PCDHA3: variants seen among roughly 807,000 people sequenced by gnomAD.
The protein encoded by PCDHA3 is protocadherin alpha-3.
PCDHA3 carries 41 observed loss-of-function variants against 62.2 expected under a neutral mutation model. That is an observed-to-expected ratio of 0.66 (90% CI 0.51 to 0.86). The LOEUF is 0.86. Among genes scored for constraint, PCDHA3 ranks in the 40% least tolerant of loss-of-function variants. PCDHA3 has a pLI of 0.00. For synonymous variants in PCDHA3, 640 were observed against 555.4 expected, an observed-to-expected ratio of 1.15 and a Z score of -2.14; for missense variants, 1,304 against 1,241.2, an observed-to-expected ratio of 1.05 and a Z score of -0.76.
intron 1 of PCDHA3, among the ~76,000 whole-genome samples, chr5:140,897,618 T>C: frequency 6.6e-6 from 1 of 152,172 alleles, no homozygotes; most frequent in Non-Finnish European, 1.5e-5. Flanking sequence ...TTCCAAGTCT[T>C]TACTATTGTG....
intron 1 of PCDHA3, chr5:140,828,790 G>T: frequency 6.2e-7 from 1 of 1,614,182 alleles, no homozygotes; most frequent in Non-Finnish European, 8.5e-7. Flanking sequence ...TCACAGTGCT[G>T]GATGTGAATG....
intron 1 of PCDHA3, chr5:140,836,239 G>T: frequency 1.9e-6 from 3 of 1,613,796 alleles, no homozygotes; most frequent in Non-Finnish European, 1.7e-6. Flanking sequence ...GCCGGTGCGA[G>T]CATCCCGTTC....
chr5:140,985,202 G>A (rs1554246846), intron 3 of PCDHA3, among the ~76,000 whole-genome samples: 1 of 152,204 alleles, frequency 6.6e-6, no homozygotes, highest in Non-Finnish European at 1.5e-5. Flanking sequence ...CTCCCAAAGT[G>A]TTGGGATTAC....
chr5:140,854,743 GAT>G lies in PCDHA3; in HGVS notation c.2394+51157_2394+51158del, dbSNP rs1554147428. The G allele has an allele frequency of 2.0e-5, 3 of 149,440 alleles. 1 individual carries two copies. The highest frequency in any genetic ancestry group is 7.4e-5 in the African/African-American group (3 of 40,774). 9.3% of individuals were successfully genotyped at this position (149,440 alleles called of 1,614,324 possible). On this transcript the variant is annotated intron_variant, in intron 1 of 3. Coordinates refer to ENST00000522353, the MANE Select transcript of PCDHA3 (RefSeq NM_018906.3). ...AACTCAAGTTTTTTTCAGCAGCACAGATATATTACATTTTCATTCCTGAATAT... is the reference window on the plus strand; with the variant it reads ...AACTCAAGTTTTTTTCAGCAGCACAGATATTACATTTTCATTCCTGAATAT...
intron 1 of PCDHA3, chr5:140,927,237 G>A (rs1554204217): frequency 1.2e-6 from 2 of 1,614,110 alleles, no homozygotes; most frequent in Admixed American, 1.7e-5. Flanking sequence ...TTCACGTCCT[G>A]GACACCAATG....
At chr5:140,830,533 A>G in intron 1 of PCDHA3, 1 of 1,268,354 alleles carries the variant, frequency 7.9e-7, no homozygotes, top group South Asian at 2.0e-5. Flanking sequence ...TTAAATTTAT[A>G]ATTGTTTTCC....
At chr5:140,822,164 C>T (rs2150114205) in intron 1 of PCDHA3, 3 of 1,614,200 alleles carry the variant, frequency 1.9e-6, no homozygotes, top group East Asian at 4.5e-5. Context: ...GACAATCCGC[C>T]CAGGTTCTCC....
intron 1 of PCDHA3, chr5:140,814,771 T>C (rs2126658465): frequency 6.6e-6 from 1 of 152,344 alleles, no homozygotes; most frequent in East Asian, 1.9e-4. Context: ...ATGTGGTCTG[T>C]TATTGGTTGA....
chr5:140,842,791 G>C (rs1554139385), intron 1 of PCDHA3: 1 of 1,594,368 alleles, frequency 6.3e-7, no homozygotes, highest in Non-Finnish European at 8.6e-7. Context: ...ACGCGCTGGT[G>C]TCCTACTCGC....
At chr5:140,883,211 T>C in intron 1 of PCDHA3, 1 of 1,613,738 alleles carries the variant, frequency 6.2e-7, no homozygotes, top group Non-Finnish European at 8.5e-7. Context: ...AGAAAAGAAA[T>C]TATATGAAAT....
chr5:140,827,149 A>T (rs1024962565), intron 1 of PCDHA3, among the ~76,000 whole-genome samples: 5 of 152,210 alleles, frequency 3.3e-5, no homozygotes, highest in Admixed American at 6.5e-5. Flanking sequence ...AGGGATGCAG[A>T]TATGGATTTG....
chr5:140,863,385 G>T (rs782510264), intron 1 of PCDHA3: 7 of 1,030,746 alleles, frequency 6.8e-6, no homozygotes, highest in Non-Finnish European at 1.0e-5. Context: ...CCGAGAGCTC[G>T]TGCATGCCGG....
At position 140,856,428 on chromosome 5, in the gene PCDHA3, A is replaced by G. The variant is rs782670614; in HGVS notation, c.2394+52837A>G. On this transcript the variant is annotated intron_variant, in intron 1 of 3. Coordinates refer to ENST00000522353, the MANE Select transcript of PCDHA3 (RefSeq NM_018906.3). ...GACGTGGAAGTGAAGGACATTAACG[A>G]CAACCCGCCCAGGTTCTCCGTAACA... The G allele has an allele frequency of 5.0e-6, 8 of 1,598,286 alleles. No homozygotes were observed. The East Asian group carries it at 1.8e-4, about 36-fold the overall frequency.
At chr5:140,980,494 A>T (rs868915196) in intron 2 of PCDHA3, among the ~76,000 whole-genome samples, 1 of 152,106 alleles carries the variant, frequency 6.6e-6, no homozygotes, top group African/African-American at 2.4e-5. Context: ...GCTGGGCGTG[A>T]TGGCATGTGC....
intron 1 of PCDHA3, among the ~76,000 whole-genome samples, chr5:140,915,232 C>A (rs1554196813): frequency 1.3e-5 from 2 of 152,274 alleles, no homozygotes; most frequent in Admixed American, 6.5e-5. Flanking sequence ...CAGGCATGAG[C>A]CACCATGCCT....
At chr5:140,943,726 A>G (rs181662166) in intron 1 of PCDHA3, among the ~76,000 whole-genome samples, 8 of 152,372 alleles carry the variant, frequency 5.3e-5, no homozygotes, top group Middle Eastern at 3.4e-3. Flanking sequence ...GTCTGAGAGA[A>G]TGAAAGTCCA....
At chr5:140,969,553 G>T in intron 1 of PCDHA3, 1 of 1,229,652 alleles carries the variant, frequency 8.1e-7, no homozygotes, top group Non-Finnish European at 1.1e-6. Flanking sequence ...ATGAAGCCTT[G>T]TCCATAAAAT....
chr5:140,858,263 T>C lies in PCDHA3; in HGVS notation c.2394+54672T>C, dbSNP rs781901851. ...TGGGCCGGTGAAGCCCACGCTGGTGTGCTCTAGCGCGGTGGGGAGCTGGTC... is the reference window on the plus strand; with the variant it reads ...TGGGCCGGTGAAGCCCACGCTGGTGCGCTCTAGCGCGGTGGGGAGCTGGTC... On this transcript the variant is annotated intron_variant, in intron 1 of 3. Transcript: ENST00000522353. 2.5e-6 allele frequency: 4 copies of C among 1,596,360 alleles called. No homozygotes were observed. The African/African-American group carries it at 4.0e-5, about 16-fold the overall frequency.
chr5:140,913,447 C>T (rs1445715185), intron 1 of PCDHA3, among the ~76,000 whole-genome samples: 5 of 152,022 alleles, frequency 3.3e-5, no homozygotes, highest in African/African-American at 9.7e-5. Context: ...TTTTCAGCTC[C>T]GATTTTATTT....
Sources: gnomAD v4.1 joint callset for allele counts (sites outside exome capture counted in the v4.1 genomes callset) on GRCh38, gnomAD v4.1.1 for gene constraint, MANE v1.5 for transcripts, NCBI Gene and HGNC (gene_info 2026-07-23, HGNC 2026-07-21) for gene names.